Variants in KCNQ4 observed in about 807,000 individuals in gnomAD.
The protein encoded by KCNQ4 is potassium voltage-gated channel subfamily KQT member 4.
KCNQ4 carries 31 observed loss-of-function variants against 72.6 expected under a neutral mutation model. The observed-to-expected ratio is 0.43, with a 90% CI of 0.32 to 0.58. The LOEUF (loss-of-function observed/expected upper bound fraction) is 0.58, where lower values mean the gene tolerates loss of function less well. KCNQ4 is among the 20% of genes least tolerant of loss of function. The pLI is 0.08. For missense variants in KCNQ4, 869 were observed against 962.6 expected (o/e 0.90, Z 1.29); for synonymous variants, 405 against 403.7 (o/e 1.00, Z -0.04).
intron 1 of KCNQ4, among the ~76,000 whole-genome samples, chr1:40,792,844 G>T (rs185690762): frequency 5.7e-4 from 86 of 152,174 alleles, no homozygotes; most frequent in Middle Eastern, 3.4e-3. Flanking sequence ...AAGGTGTAAA[G>T]AAGTTAATGA....
chr1:40,827,874 T>C (rs1648531016), intron 9 of KCNQ4, among the ~76,000 whole-genome samples: 2 of 151,950 alleles, frequency 1.3e-5, no homozygotes. Context: ...CCTTATTTGA[T>C]TTGGTATGTT....
chr1:40,811,312 G>A (rs983066268), intron 1 of KCNQ4, among the ~76,000 whole-genome samples: 2 of 152,200 alleles, frequency 1.3e-5, no homozygotes, highest in Admixed American at 1.3e-4. Context: ...ATGTGGAGAA[G>A]GCGGTGATTG....
chr1:40,805,930 C>A lies in KCNQ4; in HGVS notation c.315-11335C>A, dbSNP rs138119837. Among the ~76,000 whole-genome samples the A allele has an allele frequency of 1.1e-3, 174 of 152,290 alleles. 1 individual carries two copies. Among genetic ancestry groups the A allele is most frequent in the African/African-American group, 4.0e-3 (167 of 41,554 alleles). On this transcript the variant is annotated intron_variant, in intron 1 of 13. Coordinates refer to ENST00000347132, the MANE Select transcript of KCNQ4 (RefSeq NM_004700.4). ...AATCTCGGCTCACTGCAGGCTCCGC[C>A]TCCTGGGTTCACGCCATTCTTCTGC...
chr1:40,837,091 C>CTTTTT (rs370300997), intron 12 of KCNQ4, among the ~76,000 whole-genome samples: 3 of 93,078 alleles, frequency 3.2e-5, no homozygotes, highest in Admixed American at 1.2e-4. Flanking sequence ...CTTTTCTTTT[C>CTTTTT]TTTTTTTTTT....
At chr1:40,818,418 G>A (rs1648165768) in intron 3 of KCNQ4, 87 bp from the exon 4 acceptor site, 3 of 1,171,658 alleles carry the variant, frequency 2.6e-6, no homozygotes, top group African/African-American at 3.1e-5. Flanking sequence ...TCCCTCCCCA[G>A]TCCCCTGCCA....
intron 12 of KCNQ4, among the ~76,000 whole-genome samples, chr1:40,837,092 T>TTTTCTTTTCTTTTC (rs1491238501): frequency 9.7e-4 from 76 of 78,446 alleles, no homozygotes; most frequent in African/African-American, 4.7e-3. Context: ...TTTTCTTTTC[T>TTTTCTTTTCTTTTC]TTTTTTTTTT....
At chr1:40,812,749 A>G (rs549528081) in intron 1 of KCNQ4, among the ~76,000 whole-genome samples, 1 of 152,324 alleles carries the variant, frequency 6.6e-6, no homozygotes, top group South Asian at 2.1e-4. Context: ...TGGGGCAGCC[A>G]GAGGAGTCAG....
chr1:40,807,546 C>T (rs952426759), intron 1 of KCNQ4, among the ~76,000 whole-genome samples: 4 of 152,170 alleles, frequency 2.6e-5, no homozygotes, highest in Non-Finnish European at 4.4e-5. Flanking sequence ...GAAAGAGCCT[C>T]GCTCTGAGGC....
At chr1:40,837,578 C>T (rs529777380) in intron 12 of KCNQ4, 87 bp from the exon 13 acceptor site, 3 of 1,520,910 alleles carry the variant, frequency 2.0e-6, no homozygotes, top group Admixed American at 1.9e-5. Context: ...CCTCGTGGTG[C>T]CTTCTCCTTC....
At chr1:40,835,801 T>A (rs1648791942) in intron 12 of KCNQ4, among the ~76,000 whole-genome samples, 1 of 152,152 alleles carries the variant, frequency 6.6e-6, no homozygotes, top group Non-Finnish European at 1.5e-5. Flanking sequence ...TTTGCAATTT[T>A]AAATAGGTGA....
chr1:40,830,492 A>T (rs1164191291), intron 9 of KCNQ4, among the ~76,000 whole-genome samples: 1 of 152,146 alleles, frequency 6.6e-6, no homozygotes, highest in East Asian at 1.9e-4. Context: ...GAAATGACAC[A>T]TGTAAACACA....
rs142299902 is a variant in KCNQ4 at position 40,828,569 on chromosome 1, C to T, written c.1293-2515C>T. On this transcript the variant is annotated intron_variant, in intron 9 of 13. Transcript: ENST00000347132. ...GAAGGCTGGGTTCCAGTTCTTGCTC[C>T]ATCTCATAGGAGCTCTGTGACCTTG... Among the ~76,000 whole-genome samples the T allele has an allele frequency of 4.2e-3, 642 of 152,280 alleles. 3 individuals are homozygous for T. Among genetic ancestry groups the T allele is most frequent in the African/African-American group, 0.015 (604 of 41,556 alleles).
At chr1:40,791,072 C>T (rs937071568) in intron 1 of KCNQ4, among the ~76,000 whole-genome samples, 1 of 152,012 alleles carries the variant, frequency 6.6e-6, no homozygotes, top group Admixed American at 6.5e-5. Flanking sequence ...AGGGCACTCC[C>T]CCACTCTCTC....
At chr1:40,828,720 C>A (rs921131057) in intron 9 of KCNQ4, among the ~76,000 whole-genome samples, 4 of 152,194 alleles carry the variant, frequency 2.6e-5, no homozygotes, top group African/African-American at 9.6e-5. Flanking sequence ...GTTCTGGGAG[C>A]CTGGGAGGGG....
At position 40,839,340 on chromosome 1, in the gene KCNQ4, G is replaced by C. The variant is rs1648907167; in HGVS notation, c.*817G>C. ...CAGACACCACTCATAGTCAGCACAG[G>C]TTTCTGTATCCTCCCCAAAACTCCC... is the stretch of plus-strand genomic sequence containing the variant. On this transcript the variant is annotated 3_prime_UTR_variant, in exon 14 of 14. Transcript: ENST00000347132. The C allele has an allele frequency of 1.3e-5, 2 of 152,364 alleles. No individual in the cohort carries two copies. Among genetic ancestry groups the C allele is most frequent in the Admixed American group, 1.3e-4 (2 of 15,280 alleles). The allele number at this position is 152,364 out of a possible 1,614,324, so 9.4% of individuals were successfully genotyped here.
At chr1:40,827,056 C>T (rs1375797296) in intron 9 of KCNQ4, among the ~76,000 whole-genome samples, 1 of 152,178 alleles carries the variant, frequency 6.6e-6, no homozygotes, top group African/African-American at 2.4e-5. Context: ...TTTGCCAGGC[C>T]TTGGGCTTAG....
At chr1:40,835,129 G>A in intron 12 of KCNQ4, 31 bp downstream of exon 12, 2 of 1,606,858 alleles carry the variant, frequency 1.2e-6, no homozygotes, top group Non-Finnish European at 1.7e-6. Context: ...GGGAGGCAGG[G>A]GCAGGGAGGC....
At chr1:40,807,367 C>G (rs1187170486) in intron 1 of KCNQ4, among the ~76,000 whole-genome samples, 1 of 152,102 alleles carries the variant, frequency 6.6e-6, no homozygotes, top group Non-Finnish European at 1.5e-5. Context: ...CCATCAGGGC[C>G]CCATTGCAAT....
chr1:40,791,980 G>A (rs1647292389), intron 1 of KCNQ4, among the ~76,000 whole-genome samples: 1 of 150,594 alleles, frequency 6.6e-6, no homozygotes, highest in Non-Finnish European at 1.5e-5. Flanking sequence ...TACTCCCACA[G>A]AGCGAAAGAT....
Sources: allele counts gnomAD v4.1 joint callset (sites outside exome capture counted in the v4.1 genomes callset), GRCh38; gene constraint gnomAD v4.1.1; transcripts MANE v1.5; gene names NCBI Gene and HGNC (gene_info 2026-07-23, HGNC 2026-07-21).